CROCC: variants seen among roughly 807,000 people sequenced by gnomAD.
CROCC encodes the protein rootletin.
A neutral mutation model predicts 245.2 loss-of-function variants in CROCC; 180 were observed. That is an observed-to-expected ratio of 0.73 (90% CI 0.65 to 0.83). The LOEUF is 0.83. CROCC is among the 40% of genes least tolerant of loss of function. The pLI, the probability that CROCC is intolerant of heterozygous loss-of-function variation, is 0.00. For synonymous variants in CROCC, 1,205 were observed against 1,241.6 expected (o/e 0.97, Z 0.62); for missense variants, 2,688 against 2,779.4 (o/e 0.97, Z 0.74).
intron 26 of CROCC, among the ~76,000 whole-genome samples, chr1:16,959,255 C>T (rs770347976): frequency 2.0e-5 from 3 of 152,130 alleles, no homozygotes; most frequent in Non-Finnish European, 4.4e-5. Context: ...AACGCCTGAC[C>T]TCAGGTGATC....
At chr1:16,931,956 G>T (rs1337128559) in intron 8 of CROCC, among the ~76,000 whole-genome samples, 5 of 151,676 alleles carry the variant, frequency 3.3e-5, no homozygotes, top group Non-Finnish European at 7.4e-5. Context: ...TAGTAGAGAC[G>T]GGGTTTCACC....
In CROCC at chr1:16,936,782, GA is replaced by G. The variant is rs1248601063; in HGVS notation, c.1103del (p.Glu368GlyfsTer32). The G allele has an allele frequency of 1.2e-6, 2 of 1,611,836 alleles. No homozygotes were observed. The highest frequency in any genetic ancestry group is 2.7e-5 in the African/African-American group (2 of 74,942). ...EKQALLQAQL[E>X]EQLRDKVLRE... The stretch of plus-strand genomic sequence containing the variant: ...ACAGGCCCTGCTGCAGGCCCAGCTG[GA>G]GGAGCAGCTGCGGGACAAGGTGCTC... On this transcript the variant is annotated frameshift_variant, in exon 9 of 37. Coordinates refer to ENST00000375541, the MANE Select transcript of CROCC (RefSeq NM_014675.5). LOFTEE classifies it high-confidence loss of function.
chr1:16,936,560 C>T lies in CROCC; in HGVS notation c.957-77C>T, dbSNP rs1341139863. On this transcript the variant is annotated intron_variant, in intron 8 of 36. Coordinates refer to ENST00000375541, the MANE Select transcript of CROCC (RefSeq NM_014675.5). ...CTGGGATTATAGGTGTGAGCCACCA[C>T]GCCCTGCCCAAGCATAGTTTTAATT... is the stretch of plus-strand genomic sequence containing the variant. The T allele has an allele frequency of 2.7e-5, 38 of 1,400,670 alleles. No homozygotes were observed. In the Admixed American group the frequency reaches 5.0e-4, roughly 18 times the overall value. 86.8% of individuals were successfully genotyped at this position (1,400,670 alleles called of 1,614,324 possible). A position where few individuals can be genotyped will look rare whatever the true frequency, so the allele number is the denominator to read the frequency against.
chr1:16,934,800 A>G (rs1311471245), intron 8 of CROCC, among the ~76,000 whole-genome samples: 8 of 146,464 alleles, frequency 5.5e-5, no homozygotes, highest in South Asian at 2.2e-4. Context: ...TTCTTTTTAT[A>G]TATACAGATT....
chr1:16,935,369 G>A (rs1160691066), intron 8 of CROCC, among the ~76,000 whole-genome samples: 1 of 152,232 alleles, frequency 6.6e-6, no homozygotes, highest in African/African-American at 2.4e-5. Context: ...AGTTATAACT[G>A]GGAGGTGGCT....
chr1:16,934,016 G>T (rs1255358234), intron 8 of CROCC, among the ~76,000 whole-genome samples: 7 of 152,220 alleles, frequency 4.6e-5, no homozygotes, highest in Non-Finnish European at 1.0e-4. Context: ...TTGGATGTTG[G>T]ATCTAAAGCT....
At chr1:16,962,088 C>T (rs531826222) in intron 27 of CROCC, among the ~76,000 whole-genome samples, 1 of 150,580 alleles carries the variant, frequency 6.6e-6, no homozygotes, top group Non-Finnish European at 1.5e-5. Flanking sequence ...TTTGAGATGG[C>T]GTCTTGCTCT....
intron 14 of CROCC, 90 bp from the exon 15 acceptor site, chr1:16,945,372 G>T: frequency 4.4e-6 from 7 of 1,573,478 alleles, no homozygotes; most frequent in Non-Finnish European, 6.0e-6. Context: ...TCCTGCCTCA[G>T]GCCTGGTCCC....
rs532855912 is a variant in CROCC at position 16,922,815 on chromosome 1, C to T, written c.196+17C>T. The T allele has an allele frequency of 6.2e-7, 1 of 1,606,582 alleles. No individual in the cohort carries two copies. Among genetic ancestry groups the T allele is most frequent in the South Asian group, 1.1e-5 (1 of 90,026 alleles). The stretch of plus-strand genomic sequence containing the variant: ...AGAGCCCAGGTGCCACCCCCATCCG[C>T]TCCCCTCCACAAACACCACCCACAT... On this transcript the variant is annotated intron_variant, in intron 2 of 36. Transcript: ENST00000375541.
chr1:16,918,780 A>C (rs2075344444), upstream of CROCC, among the ~76,000 whole-genome samples: 1 of 140,034 alleles, frequency 7.1e-6, no homozygotes, highest in African/African-American at 2.7e-5. Context: ...TCTGTCACCC[A>C]GGCTGGAGTA....
At chr1:16,936,337 G>A (rs1203962565) in intron 8 of CROCC, among the ~76,000 whole-genome samples, 3 of 152,214 alleles carry the variant, frequency 2.0e-5, no homozygotes, top group Non-Finnish European at 4.4e-5. Context: ...TCATGATCTC[G>A]GCTTACTGCA....
At position 16,936,661 on chromosome 1, in the gene CROCC, G is replaced by C. The variant is rs772074224; in HGVS notation, c.981G>C (p.Glu327Asp). The C allele has an allele frequency of 1.3e-6, 2 of 1,594,558 alleles. No individual in the cohort carries two copies. Among genetic ancestry groups the C allele is most frequent in the Non-Finnish European group, 1.7e-6 (2 of 1,170,044 alleles). ...TERDLLQLGG[E>D]LARTSRAVQE... is the part of the protein sequence containing the mutation. ...GGGACCTGCTGCAGCTGGGAGGGGA[G>C]CTGGCCCGGACATCACGAGCTGTCC... Residue 327 changes from glutamate (E) to aspartate (D), a missense_variant, in exon 9 of 37, where the codon GAG (glutamate) becomes GAC (aspartate). Glu to Asp is a conservative substitution (Grantham distance 45, BLOSUM62 2). Around this residue, in one of 9 missense-constraint regions of CROCC, gnomAD observed 972 missense variants for 895.3 expected, o/e 1.09. Coordinates refer to ENST00000375541, the MANE Select transcript of CROCC (RefSeq NM_014675.5).
chr1:16,921,808 C>T (rs1389351398), upstream of CROCC: 3 of 574,742 alleles, frequency 5.2e-6, no homozygotes, highest in Non-Finnish European at 9.4e-6. Flanking sequence ...CTCCCTGCCT[C>T]TGCTTCCCTC....
chr1:16,948,372 G>A lies in CROCC; in HGVS notation c.2556G>A (p.Gln852=). 1 of 1,578,484 alleles carries A rather than the reference G, an allele frequency of 6.3e-7. No homozygotes were observed. The highest frequency in any genetic ancestry group is 2.3e-5 in the East Asian group (1 of 44,160). The change falls in exon 18 of 37, where the codon CAG becomes CAA. Residue 852 remains glutamine (Q), a synonymous_variant. Coordinates refer to ENST00000375541, the MANE Select transcript of CROCC (RefSeq NM_014675.5). ...QLSGREQELE[Q]ARREAQRQVE... ...GCGGGCGGGAGCAGGAGCTGGAGCAGGCCCGGCGGGAGGCCCAGCGGCAAG... is the reference window on the plus strand; with the variant it reads ...GCGGGCGGGAGCAGGAGCTGGAGCAAGCCCGGCGGGAGGCCCAGCGGCAAG...
rs1557626793 is a variant in CROCC at position 16,954,768 on chromosome 1, A to G, written c.3356A>G (p.Asp1119Gly). The G allele has an allele frequency of 1.3e-6, 2 of 1,555,238 alleles. No homozygotes were observed. Among genetic ancestry groups the G allele is most frequent in the East Asian group, 4.8e-5 (2 of 41,252 alleles). The stretch of plus-strand genomic sequence containing the variant: ...AACGCTCTGACGTCTGAGCTGCGGG[A>G]CCTACGGGCCCAGCGGGAGGAGGCT... ...TVNALTSELR[D>G]LRAQREEAAA... Residue 1119 changes from aspartate (D) to glycine (G), a missense_variant, in exon 23 of 37, where the codon GAC (aspartate) becomes GGC (glycine). Physicochemically the swap from Asp to Gly is moderately conservative, Grantham distance 94. Transcript: ENST00000375541. The surrounding 1 kb of genome is among the most constrained non-coding windows in gnomAD (Gnocchi z 4.4).
chr1:16,960,958 G>A lies in CROCC; in HGVS notation c.4233G>A (p.Arg1411=). The A allele has an allele frequency of 7.1e-7, 1 of 1,399,346 alleles. No individual in the cohort carries two copies. Among genetic ancestry groups the A allele is most frequent in the Non-Finnish European group, 9.2e-7 (1 of 1,086,136 alleles). The allele number at this position is 1,399,346 out of a possible 1,614,324, so 86.7% of individuals were successfully genotyped here. ...TGCGGCTGAGCGCAGCCGAGGGCCG[G>A]GCACAAGGCCTGGAGGCCGAGCTGG... is the stretch of plus-strand genomic sequence containing the variant. The part of the protein sequence containing the change: ...LGLRLSAAEG[R]AQGLEAELAR... Residue 1411 remains arginine, a synonymous_variant, in exon 27 of 37, where the codon CGG becomes CGA. Coordinates refer to ENST00000375541, the MANE Select transcript of CROCC (RefSeq NM_014675.5).
At chr1:16,963,187 A>G (rs1251033289) in intron 27 of CROCC, among the ~76,000 whole-genome samples, 3 of 91,674 alleles carry the variant, frequency 3.3e-5, no homozygotes, top group African/African-American at 1.5e-4. Flanking sequence ...CCGTCTCAGA[A>G]AAAAAAAAAA....
rs1290459719 is a variant in CROCC at position 16,951,092 on chromosome 1, G to A, written c.2976G>A (p.Glu992=). The change falls in exon 20 of 37, where the codon GAG becomes GAA. Residue 992 remains glutamate (E), a synonymous_variant. Transcript: ENST00000375541. Reference sequence around the variant, plus strand: ...TGCGGGAGCAGCGGGCAGCTCACGAGGAGGACTTACAGCGACTCCAGCGTG... The same window carrying A: ...TGCGGGAGCAGCGGGCAGCTCACGAAGAGGACTTACAGCGACTCCAGCGTG... ...ASLREQRAAH[E]EDLQRLQREK... The A allele has an allele frequency of 3.8e-6, 6 of 1,586,900 alleles. No individual in the cohort carries two copies. The African/African-American group carries it at 6.8e-5, about 18-fold the overall frequency.
In CROCC at chr1:16,931,272, C is replaced by G. The variant is rs368426468; in HGVS notation, c.850-19C>G. The G allele has an allele frequency of 1.8e-5, 28 of 1,599,186 alleles. No individual in the cohort carries two copies. The African/African-American group carries it at 2.9e-4, about 17-fold the overall frequency. On this transcript the variant is annotated intron_variant, in intron 7 of 36. Coordinates refer to ENST00000375541, the MANE Select transcript of CROCC (RefSeq NM_014675.5). ...CCCGCTCTCACACCAACCCTTCCCT[C>G]GGCATGTCTTCCCTCCAGTCCTTCA... is the stretch of plus-strand genomic sequence containing the variant.
Sources: allele counts gnomAD v4.1 joint callset (sites outside exome capture counted in the v4.1 genomes callset), GRCh38; gene constraint gnomAD v4.1.1; regional missense constraint gnomAD v4.1.1; non-coding constraint Gnocchi (gnomAD v3.1); transcripts MANE v1.5; gene names NCBI Gene and HGNC (gene_info 2026-07-23, HGNC 2026-07-21).